The following ZNF445 variants were observed in gnomAD, a reference collection of about 807,000 sequenced individuals.
ZNF445 encodes the protein zinc finger protein 168.
Under a neutral mutation model 93.9 loss-of-function variants are expected in ZNF445, and 19 were observed. That is an observed-to-expected ratio of 0.20 (90% CI 0.14 to 0.30). The LOEUF (loss-of-function observed/expected upper bound fraction) is 0.30. Ranked by LOEUF, ZNF445 falls within the 10% of genes least tolerant of loss-of-function variation. The pLI, the probability that ZNF445 is intolerant of heterozygous loss-of-function variation, is 1.00. For missense variants in ZNF445, 1,058 were observed against 1,259.4 expected (o/e 0.84, Z 2.42); for synonymous variants, 449 against 446.3 (o/e 1.01, Z -0.08).
At chr3:44,454,980 T>G (rs775505770) in intron 3 of ZNF445, 141 bp downstream of exon 3, 1 of 1,043,050 alleles carries the variant, frequency 9.6e-7, no homozygotes, top group African/African-American at 1.6e-5. Context: ...CGTTCTCAGC[T>G]GCTCAGGTAC....
chr3:44,473,490 C>CAA (rs1553614175), intron 1 of ZNF445, among the ~76,000 whole-genome samples: 298 of 57,004 alleles, frequency 5.2e-3, no homozygotes, highest in Middle Eastern at 0.01. Context: ...CACACACACA[C>CAA]AAAAAATGCT....
At chr3:44,472,525 AAG>A (rs1237764421) in intron 1 of ZNF445, among the ~76,000 whole-genome samples, 2 of 152,178 alleles carry the variant, frequency 1.3e-5, no homozygotes, top group African/African-American at 2.4e-5. Context: ...TGTATTTGTA[AAG>A]AGGTGATGAG....
Position 44,436,023 on chromosome 3 carries a change from ATTGT to A in ZNF445, c.*10548_*10551del, listed in dbSNP as rs1697673587. ...CCTAGGAAGATAAAAAGTATAAATT[ATTGT>A]CAGTGCAGCAGGGTCCTACTTCAAA... On this transcript the variant is annotated 3_prime_UTR_variant, in exon 8 of 8. Transcript: ENST00000396077. 1.3e-5 allele frequency: 2 copies of A among 152,282 alleles called. No individual in the cohort carries two copies. Among genetic ancestry groups the A allele is most frequent in the South Asian group, 4.1e-4 (2 of 4,824 alleles). 9.4% of individuals were successfully genotyped at this position (152,282 alleles called of 1,614,324 possible). A position where few individuals can be genotyped will look rare whatever the true frequency, so the allele number is the denominator to read the frequency against.
intron 1 of ZNF445, among the ~76,000 whole-genome samples, chr3:44,474,652 T>C (rs1264984659): frequency 1.3e-5 from 2 of 152,168 alleles, no homozygotes; most frequent in Non-Finnish European, 2.9e-5. Context: ...GAATTCTAGA[T>C]TGGAGCCTAC....
intron 1 of ZNF445, among the ~76,000 whole-genome samples, chr3:44,461,843 T>C (rs1227119172): frequency 1.3e-5 from 2 of 152,124 alleles, no homozygotes; most frequent in African/African-American, 4.8e-5. Flanking sequence ...AAAGAGTGAC[T>C]TTCTCTTGTA....
chr3:44,459,448 G>C (rs1490343308), intron 1 of ZNF445, among the ~76,000 whole-genome samples: 1 of 152,112 alleles, frequency 6.6e-6, no homozygotes, highest in Non-Finnish European at 1.5e-5. Context: ...TTCTTCCTAA[G>C]GTAATGTGTG....
chr3:44,455,846 G>A (rs1296477443), intron 2 of ZNF445, 150 bp from the exon 3 acceptor site: 1 of 309,378 alleles, frequency 3.2e-6, no homozygotes. Context: ...GTCCCCTATT[G>A]GAGTAAGCTA....
In ZNF445 at chr3:44,455,597, T is replaced by C. The variant is rs755247733; in HGVS notation, c.-48A>G. 2.0e-6 allele frequency: 3 copies of C among 1,506,552 alleles called. No homozygotes were observed. The highest frequency in any genetic ancestry group is 2.7e-6 in the Non-Finnish European group (3 of 1,124,130). The allele number at this position is 1,506,552 out of a possible 1,614,324, so 93.3% of individuals were successfully genotyped here. On this transcript the variant is annotated 5_prime_UTR_variant, in exon 3 of 8. An upstream open reading frame in the 5' UTR loses its in-frame stop. Coordinates refer to ENST00000396077, the MANE Select transcript of ZNF445 (RefSeq NM_181489.6). ...AGAAGAGTGCGAACCAAGTCCACCT[T>C]AGACGTGGGTCCTCAGAAGTATCTT...
At position 44,439,555 on chromosome 3, in the gene ZNF445, A is replaced by T. The variant is rs1260077178; in HGVS notation, c.*7020T>A. On this transcript the variant is annotated 3_prime_UTR_variant, in exon 8 of 8. Transcript: ENST00000396077. ...CCAAAGGCCACAGGGCCCCTCCCTG[A>T]GCACAGACACTATGTCAGCCCAGCA... is the stretch of plus-strand genomic sequence containing the variant. The T allele has an allele frequency of 6.6e-6, 1 of 152,296 alleles. No homozygotes were observed. The highest frequency in any genetic ancestry group is 2.1e-4 in the South Asian group (1 of 4,832). The allele number at this position is 152,296 out of a possible 1,614,324, so 9.4% of individuals were successfully genotyped here. A position where few individuals can be genotyped will look rare whatever the true frequency, so the allele number is the denominator to read the frequency against.
chr3:44,450,660 T>C, intron 5 of ZNF445, 87 bp from the exon 6 acceptor site: 2 of 1,544,228 alleles, frequency 1.3e-6, no homozygotes, highest in Non-Finnish European at 1.8e-6. Flanking sequence ...TGGCTCTGTG[T>C]GAGTGCAGGA....
chr3:44,477,060 T>C (rs1698370586), intron 1 of ZNF445, among the ~76,000 whole-genome samples: 1 of 152,236 alleles, frequency 6.6e-6, no homozygotes, highest in Non-Finnish European at 1.5e-5. Flanking sequence ...TTCCAAATGG[T>C]TAAATGGTAA....
At chr3:44,468,294 G>A (rs1698220571) in intron 1 of ZNF445, among the ~76,000 whole-genome samples, 1 of 152,202 alleles carries the variant, frequency 6.6e-6, no homozygotes, top group Non-Finnish European at 1.5e-5. Context: ...CTGAGACAGT[G>A]AAAGAGATCT....
chr3:44,473,652 G>C (rs1698304244), intron 1 of ZNF445, among the ~76,000 whole-genome samples: 1 of 151,462 alleles, frequency 6.6e-6, no homozygotes. Context: ...AGGGATCCTT[G>C]GAGAAGTGAC....
intron 1 of ZNF445, among the ~76,000 whole-genome samples, chr3:44,459,264 G>T (rs1296271817): frequency 6.6e-6 from 1 of 152,066 alleles, no homozygotes; most frequent in East Asian, 1.9e-4. Context: ...CCTGAGTTTT[G>T]TGAGCTGCTC....
At chr3:44,458,154 A>C (rs1698058840) in intron 2 of ZNF445, 90 bp downstream of exon 2, 1 of 152,170 alleles carries the variant, frequency 6.6e-6, no homozygotes, top group African/African-American at 2.4e-5. Flanking sequence ...GCGGATCACG[A>C]GGTCAAGAGA....
At position 44,446,849 on chromosome 3, in the gene ZNF445, A is replaced by G; in HGVS notation, c.2822T>C (p.Leu941Ser). 6.2e-7 allele frequency: 1 copy of G among 1,614,076 alleles called. No individual in the cohort carries two copies. Among genetic ancestry groups the G allele is most frequent in the Non-Finnish European group, 8.5e-7 (1 of 1,180,014 alleles). Residue 941 changes from leucine (L) to serine (S), a missense_variant, in exon 8 of 8, where the codon TTA (leucine) becomes TCA (serine). Physicochemically the swap from Leu to Ser is moderately radical, Grantham distance 145 (BLOSUM62 -2). Coordinates refer to ENST00000396077, the MANE Select transcript of ZNF445 (RefSeq NM_181489.6). The surrounding 1 kb of genome is among the most constrained non-coding windows in gnomAD (Gnocchi z 4.2). ...CTCTTCACTTGGTTTTAGCTTCTGTAATCTCAACTTTGTGTCCTGAGAGGA... is the reference window on the plus strand; with the variant it reads ...CTCTTCACTTGGTTTTAGCTTCTGTGATCTCAACTTTGTGTCCTGAGAGGA... Reference protein sequence around the residue: ...RSSSQDTKLRLQKLKPSEEMP... With the variant: ...RSSSQDTKLRSQKLKPSEEMP...
intron 1 of ZNF445, among the ~76,000 whole-genome samples, chr3:44,468,606 T>A (rs1251547560): frequency 6.6e-6 from 1 of 152,102 alleles, no homozygotes; most frequent in Non-Finnish European, 1.5e-5. Context: ...CTGCACTTGA[T>A]GGATTAGCTG....
In ZNF445 at chr3:44,451,402, AGCAAGGGACCATATCTGTGCAGATC is replaced by A; in HGVS notation, c.485_509del (p.Arg162LeufsTer20). ...GAGCAGAGCTGCTCCTGAGAGGTGA[AGCAAGGGACCATATCTGTGCAGATC>A]GCAGGGCTCCTGTACCCATCCAATG... On this transcript the variant is annotated frameshift_variant, in exon 4 of 8. Coordinates refer to ENST00000396077, the MANE Select transcript of ZNF445 (RefSeq NM_181489.6). LOFTEE classifies it high-confidence loss of function. 1.2e-6 allele frequency: 2 copies of A among 1,614,186 alleles called. No homozygotes were observed. The highest frequency in any genetic ancestry group is 1.7e-6 in the Non-Finnish European group (2 of 1,180,028).
At position 44,433,720 on chromosome 3, in the gene ZNF445, A is replaced by G. The variant is rs1697611620; in HGVS notation, c.*12855T>C. ...CTCACTTTCCCTCACGCCATGGCAA[A>G]AGCATCTCCATCAGGCAGGACTGGC... On this transcript the variant is annotated 3_prime_UTR_variant, in exon 8 of 8. Transcript: ENST00000396077. 1 of 152,194 alleles carries G rather than the reference A, an allele frequency of 6.6e-6. No homozygotes were observed. Among genetic ancestry groups the G allele is most frequent in the Admixed American group, 6.5e-5 (1 of 15,276 alleles). The allele number at this position is 152,194 out of a possible 1,614,324, so 9.4% of individuals were successfully genotyped here.
Sources: allele counts gnomAD v4.1 joint callset (sites outside exome capture counted in the v4.1 genomes callset), GRCh38; gene constraint gnomAD v4.1.1; non-coding constraint Gnocchi (gnomAD v3.1); transcripts MANE v1.5; gene names NCBI Gene and HGNC (gene_info 2026-07-23, HGNC 2026-07-21).